RBM19: variants seen among roughly 807,000 people sequenced by gnomAD.
RBM19 encodes the protein probable RNA-binding protein 19.
A neutral mutation model predicts 116.8 loss-of-function variants in RBM19; 94 were observed. The observed-to-expected ratio is 0.80, with a 90% CI of 0.68 to 0.95. The LOEUF (loss-of-function observed/expected upper bound fraction) is 0.95. Ranked by LOEUF, RBM19 falls within the 40% of genes least tolerant of loss-of-function variation. RBM19 has a pLI of 0.00. For synonymous variants in RBM19, 475 were observed against 494.1 expected, an observed-to-expected ratio of 0.96 and a Z score of 0.51; for missense variants, 1,161 against 1,220.7, an observed-to-expected ratio of 0.95 and a Z score of 0.73.
chr12:113,867,510 C>T (rs1012003684), intron 21 of RBM19, among the ~76,000 whole-genome samples: 2 of 152,178 alleles, frequency 1.3e-5, no homozygotes, highest in Non-Finnish European at 2.9e-5. Flanking sequence ...GGTTGGTGCA[C>T]ACTCTCAGCA....
At chr12:113,940,861 G>A (rs1443234465) in intron 14 of RBM19, among the ~76,000 whole-genome samples, 1 of 152,198 alleles carries the variant, frequency 6.6e-6, no homozygotes, top group Non-Finnish European at 1.5e-5. Flanking sequence ...ACTTAACTGT[G>A]CCTCAGCTCC....
At position 113,942,310 on chromosome 12, in the gene RBM19, C is replaced by CCT. The variant is rs770653885; in HGVS notation, c.1737+13_1737+14insAG. The CCT allele has an allele frequency of 5.0e-6, 8 of 1,598,420 alleles. No homozygotes were observed. In the East Asian group the frequency reaches 1.3e-4, roughly 27 times the overall value. On this transcript the variant is annotated intron_variant, in intron 14 of 23. Transcript: ENST00000261741. ...AGTGGCTGCTGGCTGGCTGGCGCCA[C>CCT]CGAGAACACCCACCTGGCTGAAGGA...
Position 113,939,979 on chromosome 12 carries a change from C to A in RBM19, c.1919G>T (p.Arg640Met). Residue 640 changes from arginine to methionine, a missense_variant, in exon 15 of 24, where the codon AGG becomes ATG. Physicochemically the swap from Arg to Met is moderately conservative, Grantham distance 91. Transcript: ENST00000261741. ...CCCTACCTTGGAATAGGCCAGATGCCTGAAGGCCTTGCGGGCCTCCAGGGG... is the reference window on the plus strand; with the variant it reads ...CCCTACCTTGGAATAGGCCAGATGCATGAAGGCCTTGCGGGCCTCCAGGGG... ...LEPLEARKAF[R>M]HLAYSKFHHV... The A allele has an allele frequency of 6.2e-7, 1 of 1,614,090 alleles. No individual in the cohort carries two copies. The highest frequency in any genetic ancestry group is 1.7e-5 in the Admixed American group (1 of 60,034).
intron 2 of RBM19, among the ~76,000 whole-genome samples, chr12:113,960,902 T>C (rs570785113): frequency 1.3e-5 from 2 of 152,182 alleles, no homozygotes; most frequent in Non-Finnish European, 2.9e-5. Flanking sequence ...AATACACTCC[T>C]CTGAGAGGAC....
intron 21 of RBM19, among the ~76,000 whole-genome samples, chr12:113,872,326 C>G (rs1185780345): frequency 6.7e-6 from 1 of 149,516 alleles, no homozygotes; most frequent in Admixed American, 6.6e-5. Flanking sequence ...CCCCTCCGCC[C>G]GGCAGCCGCC....
intron 21 of RBM19, among the ~76,000 whole-genome samples, chr12:113,901,088 C>T (rs751322522): frequency 3.6e-4 from 55 of 152,178 alleles, no homozygotes; most frequent in Non-Finnish European, 1.0e-4. Context: ...TGTTTCCTCA[C>T]ACTGCAAACT....
chr12:113,943,815 C>T (rs1255981033), intron 13 of RBM19, among the ~76,000 whole-genome samples: 1 of 152,112 alleles, frequency 6.6e-6, no homozygotes, highest in Admixed American at 6.5e-5. Context: ...AAGAGGAAAA[C>T]TCTGTCTCAG....
chr12:113,820,844 C>T (rs1437226413), downstream of RBM19, among the ~76,000 whole-genome samples: 1 of 152,204 alleles, frequency 6.6e-6, no homozygotes, highest in Non-Finnish European at 1.5e-5. Context: ...TGGCGAGTGG[C>T]TGGAAGCTCT....
chr12:113,929,961 G>A lies in RBM19; in HGVS notation c.2069-2732C>T, dbSNP rs528506466. 2.6e-5 allele frequency among the ~76,000 whole-genome samples: 4 copies of A among 152,370 alleles called. No individual in the cohort carries two copies. In the South Asian group the frequency reaches 8.3e-4, roughly 32 times the overall value. On this transcript the variant is annotated intron_variant, in intron 16 of 23. Coordinates refer to ENST00000261741, the MANE Select transcript of RBM19 (RefSeq NM_016196.4). ...TGGTGACCAGGAGGGCTCATGGCCA[G>A]TTTAAAGGACAGCCCCTTCTTGGCA...
At chr12:113,904,113 G>A (rs1881887953) in intron 21 of RBM19, among the ~76,000 whole-genome samples, 1 of 152,180 alleles carries the variant, frequency 6.6e-6, no homozygotes, top group African/African-American at 2.4e-5. Flanking sequence ...CCTGGTACCT[G>A]TGCTCATCTT....
chr12:113,962,121 C>T, intron 2 of RBM19, 111 bp downstream of exon 2: 1 of 1,327,850 alleles, frequency 7.5e-7, no homozygotes, highest in Non-Finnish European at 1.1e-6. Context: ...GGAAGAAAAC[C>T]AAAGACATCA....
chr12:113,893,356 C>G (rs913525524), intron 21 of RBM19, among the ~76,000 whole-genome samples: 5 of 152,098 alleles, frequency 3.3e-5, no homozygotes, highest in African/African-American at 1.2e-4. Context: ...TCTTGAACTT[C>G]TGGGCTCAAG....
At chr12:113,861,203 T>A (rs1265722014) in intron 21 of RBM19, among the ~76,000 whole-genome samples, 1 of 152,166 alleles carries the variant, frequency 6.6e-6, no homozygotes, top group African/African-American at 2.4e-5. Context: ...ACTGGCCACT[T>A]GCAAGAGCTG....
intron 21 of RBM19, among the ~76,000 whole-genome samples, chr12:113,906,144 T>A (rs1324634243): frequency 6.6e-6 from 1 of 152,240 alleles, no homozygotes; most frequent in Admixed American, 6.5e-5. Flanking sequence ...CAGGGACACA[T>A]GCATGTGGAT....
In RBM19 at chr12:113,954,986, T is replaced by C. The variant is rs1593648114; in HGVS notation, c.921+145A>G. ...GACCCTGACGATGCCGGAGATGTTA[T>C]TTCTCAGCCTTTTTGGCCCCCAATT... On this transcript the variant is annotated intron_variant, in intron 7 of 23. Coordinates refer to ENST00000261741, the MANE Select transcript of RBM19 (RefSeq NM_016196.4). 8.2e-6 allele frequency: 6 copies of C among 735,916 alleles called. No individual in the cohort carries two copies. In the East Asian group the frequency reaches 1.3e-4, roughly 16 times the overall value. The allele number at this position is 735,916 out of a possible 1,614,324, so 45.6% of individuals were successfully genotyped here. A position where few individuals can be genotyped will look rare whatever the true frequency, so the allele number is the denominator to read the frequency against.
chr12:113,955,084 C>A (rs761610618), intron 7 of RBM19, 47 bp downstream of exon 7: 1 of 1,588,000 alleles, frequency 6.3e-7, no homozygotes, highest in Non-Finnish European at 8.6e-7. Flanking sequence ...CCACCCTCGT[C>A]TCCTGCTCCC....
chr12:113,911,899 G>A (rs1291597465), intron 21 of RBM19, among the ~76,000 whole-genome samples: 2 of 151,924 alleles, frequency 1.3e-5, no homozygotes, highest in Non-Finnish European at 1.5e-5. Context: ...TTTATGCCAG[G>A]GGAAACTGAA....
At chr12:113,874,772 C>G (rs1248711175) in intron 21 of RBM19, among the ~76,000 whole-genome samples, 1 of 152,244 alleles carries the variant, frequency 6.6e-6, no homozygotes, top group Non-Finnish European at 1.5e-5. Context: ...GAGGAACACT[C>G]CAGAACCCCC....
chr12:113,963,983 G>A (rs558191830), intron 1 of RBM19, among the ~76,000 whole-genome samples: 1 of 152,342 alleles, frequency 6.6e-6, no homozygotes, highest in South Asian at 2.1e-4. Context: ...AGATGGACGA[G>A]ATAACCAACC....
Sources: allele counts gnomAD v4.1 joint callset (sites outside exome capture counted in the v4.1 genomes callset), GRCh38; gene constraint gnomAD v4.1.1; transcripts MANE v1.5; gene names NCBI Gene and HGNC (gene_info 2026-07-23, HGNC 2026-07-21).